Variants in SMIM23 observed in about 807,000 individuals in gnomAD.
SMIM23 encodes CTB-78H18.1.
A neutral mutation model predicts 12.8 loss-of-function variants in SMIM23; 10 were observed. The observed-to-expected ratio is 0.78, with a 90% confidence interval of 0.48 to 1.32. The LOEUF is 1.32. SMIM23 is among the 40% of genes most tolerant of loss of function. The pLI is 0.00. For missense variants in SMIM23, 184 were observed against 198.2 expected (o/e 0.93, Z 0.43); for synonymous variants, 78 against 80.1 (o/e 0.97, Z 0.14).
the SMIM23 span, chr5:171,774,667 A>T: frequency 2.5e-6 from 1 of 402,598 alleles, no homozygotes. Context: ...AGGCTCGCCC[A>T]CAAATCCCAG....
At chr5:171,779,019 G>C (rs546915721), upstream of SMIM23, among the ~76,000 whole-genome samples, 1 of 152,166 alleles carries the variant, frequency 6.6e-6, no homozygotes, top group Non-Finnish European at 1.5e-5. Context: ...CGCCATAGCA[G>C]GTAGCAAGCT....
intron 1 of SMIM23, among the ~76,000 whole-genome samples, 186 bp downstream of exon 1, chr5:171,786,162 A>G (rs1195569604): frequency 6.6e-6 from 1 of 152,196 alleles, no homozygotes; most frequent in Non-Finnish European, 1.5e-5. Flanking sequence ...ACACTGTCTT[A>G]TTAAATTCTC....
chr5:171,776,022 C>T, the SMIM23 span, among the ~76,000 whole-genome samples: 1 of 152,196 alleles, frequency 6.6e-6, no homozygotes, highest in Non-Finnish European at 1.5e-5. Flanking sequence ...TAGGCATGAG[C>T]CACCATGCCC....
chr5:171,777,517 T>A (rs1755661918), upstream of SMIM23, among the ~76,000 whole-genome samples: 2 of 152,214 alleles, frequency 1.3e-5, no homozygotes, highest in Non-Finnish European at 2.9e-5. Context: ...CATGTGTACA[T>A]TTGCCCCTCA....
chr5:171,785,783 C>A, upstream of SMIM23: 5 of 1,021,374 alleles, frequency 4.9e-6, no homozygotes, highest in Non-Finnish European at 7.4e-6. Context: ...TCAATGTTTG[C>A]AGGATGCCTG....
rs1463841727 is a variant in SMIM23 at position 171,785,930 on chromosome 5, A to G, written c.59A>G (p.Gln20Arg). ...GTGGCAGCAGAGCAGGTGGCAGCCC[A>G]GCTGCTTGAACGGAGAAGGGGCAGC... ...RQVAAEQVAA[Q>R]LLERRRGSHC... The change falls in exon 1 of 4, where the codon CAG (glutamine) becomes CGG (arginine). Residue 20 changes from glutamine (Q) to arginine (R), a missense_variant. Coordinates refer to ENST00000523047, the MANE Select transcript of SMIM23 (RefSeq NM_001289970.2). The G allele has an allele frequency of 6.5e-7, 1 of 1,536,250 alleles. No homozygotes were observed. Among genetic ancestry groups the G allele is most frequent in the Admixed American group, 2.0e-5 (1 of 51,006 alleles).
chr5:171,774,419 G>A, the SMIM23 span: 3 of 456,198 alleles, frequency 6.6e-6, no homozygotes, highest in African/African-American at 6.0e-5. Context: ...AACAATATGG[G>A]AACCCAGGTC....
chr5:171,788,501 AT>A (rs1488205287), intron 1 of SMIM23, among the ~76,000 whole-genome samples: 6 of 152,104 alleles, frequency 3.9e-5, no homozygotes, highest in African/African-American at 1.4e-4. Context: ...CTTTATATAT[AT>A]TTTTTAAAAA....
At chr5:171,774,817 G>A in the SMIM23 span, 13 of 356,430 alleles carry the variant, frequency 3.6e-5, no homozygotes, top group Non-Finnish European at 6.7e-5. Context: ...ACTGGCTCAA[G>A]GTCTGTGGGA....
intron 1 of SMIM23, among the ~76,000 whole-genome samples, chr5:171,789,450 T>G (rs1211536753): frequency 6.6e-6 from 1 of 152,218 alleles, no homozygotes; most frequent in Non-Finnish European, 1.5e-5. Context: ...TGAACATATG[T>G]TCACATAAGG....
At chr5:171,783,766 G>GC (rs1755764522), upstream of SMIM23, among the ~76,000 whole-genome samples, 1 of 152,212 alleles carries the variant, frequency 6.6e-6, no homozygotes, top group Non-Finnish European at 1.5e-5. Flanking sequence ...GAAAAGATAA[G>GC]CCACAGACTG....
chr5:171,773,987 G>A, the SMIM23 span: 1 of 382,890 alleles, frequency 2.6e-6, no homozygotes. Context: ...CGCCATTTGT[G>A]CATTTCTTGT....
In SMIM23 at chr5:171,791,046, G is replaced by T; in HGVS notation, c.477G>T (p.Gly159=). 1.3e-6 allele frequency: 2 copies of T among 1,526,478 alleles called. No individual in the cohort carries two copies. The highest frequency in any genetic ancestry group is 1.8e-6 in the Non-Finnish European group (2 of 1,142,226). 94.6% of individuals were successfully genotyped at this position (1,526,478 alleles called of 1,614,324 possible). Residue 159 remains glycine, a synonymous_variant, in exon 4 of 4, where the codon GGG becomes GGT. Coordinates refer to ENST00000523047, the MANE Select transcript of SMIM23 (RefSeq NM_001289970.2). Reference sequence around the variant, plus strand: ...CCCTGGGGAGAGAGCACAAAGGTGGGGAGGGGTTGCTAGAGATTTCTCTAA... The same window carrying T: ...CCCTGGGGAGAGAGCACAAAGGTGGTGAGGGGTTGCTAGAGATTTCTCTAA... ...AWALGREHKG[G]EGLLEISLSG...
At chr5:171,787,621 A>G (rs1233705699) in intron 1 of SMIM23, among the ~76,000 whole-genome samples, 2 of 152,250 alleles carry the variant, frequency 1.3e-5, no homozygotes, top group African/African-American at 4.8e-5. Context: ...GTCTTCCATG[A>G]AAAGATTCCT....
In SMIM23 at chr5:171,791,025, G is replaced by A. The variant is rs1186992220; in HGVS notation, c.456G>A (p.Leu152=). The part of the protein sequence containing the change: ...KSHLWEWAWA[L]GREHKGGEGL... ...ACTTGTGGGAGTGGGCCTGGGCCCT[G>A]GGGAGAGAGCACAAAGGTGGGGAGG... Residue 152 remains leucine (L), a synonymous_variant, in exon 4 of 4, where the codon CTG becomes CTA. Transcript: ENST00000523047. The A allele has an allele frequency of 6.5e-7, 1 of 1,533,902 alleles. No individual in the cohort carries two copies. The highest frequency in any genetic ancestry group is 2.0e-5 in the Admixed American group (1 of 50,952).
upstream of SMIM23, among the ~76,000 whole-genome samples, chr5:171,781,295 C>T (rs920434917): frequency 5.3e-5 from 8 of 152,164 alleles, no homozygotes; most frequent in Admixed American, 3.3e-4. Context: ...ATGGCGGCTC[C>T]GTCTTCCCTT....
At chr5:171,783,846 A>G (rs1055142453), upstream of SMIM23, among the ~76,000 whole-genome samples, 1 of 152,270 alleles carries the variant, frequency 6.6e-6, no homozygotes, top group Non-Finnish European at 1.5e-5. Context: ...GAACTGTCTC[A>G]AAACTCAACT....
At chr5:171,786,054 C>A in intron 1 of SMIM23, 78 bp downstream of exon 1, 1 of 1,178,860 alleles carries the variant, frequency 8.5e-7, no homozygotes, top group South Asian at 1.3e-5. Flanking sequence ...AGAAGTCCCT[C>A]AAAGCCCGGA....
chr5:171,776,388 A>G, the SMIM23 span, among the ~76,000 whole-genome samples: 1 of 151,708 alleles, frequency 6.6e-6, no homozygotes, highest in Non-Finnish European at 1.5e-5. Context: ...GTACATCGTC[A>G]CTCTTGGCAG....
Sources: gnomAD v4.1 joint callset for allele counts (sites outside exome capture counted in the v4.1 genomes callset) on GRCh38, gnomAD v4.1.1 for gene constraint, MANE v1.5 for transcripts, NCBI Gene and HGNC (gene_info 2026-07-23, HGNC 2026-07-21) for gene names.